ORC3: variants seen among roughly 807,000 people sequenced by gnomAD.
ORC3 encodes the protein homolog of latheo, Drosophila.
A neutral mutation model predicts 100.7 loss-of-function variants in ORC3; 78 were observed. That is an observed-to-expected ratio of 0.77 (90% CI 0.65 to 0.94). The LOEUF is 0.94. Ranked by LOEUF, ORC3 falls within the 40% of genes least tolerant of loss-of-function variation. ORC3 has a pLI of 0.00. For synonymous variants in ORC3, 295 were observed against 289.3 expected (o/e 1.02, Z -0.20); for missense variants, 789 against 823.9 (o/e 0.96, Z 0.52).
chr6:87,653,126 A>C lies in ORC3; in HGVS notation c.1393A>C (p.Lys465Gln), dbSNP rs1472715295. 1 of 1,612,520 alleles carries C rather than the reference A, an allele frequency of 6.2e-7. No homozygotes were observed. Among genetic ancestry groups the C allele is most frequent in the Admixed American group, 1.7e-5 (1 of 59,914 alleles). ...CTGACTCTGTTCTAGGATGTTGGCAAAGGATGAACTGATGACCATACTTGA... is the reference window on the plus strand; with the variant it reads ...CTGACTCTGTTCTAGGATGTTGGCACAGGATGAACTGATGACCATACTTGA... ...SVLQLLRMLAKDELMTILEKC... is the reference protein window; with the variant it reads ...SVLQLLRMLAQDELMTILEKC... Residue 465 changes from lysine to glutamine, a missense_variant, in exon 14 of 20, where the codon AAG becomes CAG. Coordinates refer to ENST00000392844, the MANE Select transcript of ORC3 (RefSeq NM_012381.4).
intron 11 of ORC3, among the ~76,000 whole-genome samples, chr6:87,633,386 G>C (rs1252757278): frequency 6.6e-6 from 1 of 152,148 alleles, no homozygotes; most frequent in Admixed American, 6.5e-5. Flanking sequence ...GGCTACTTTT[G>C]TTATGATAGG....
chr6:87,657,964 C>A lies in ORC3; in HGVS notation c.1637C>A (p.Thr546Asn). The A allele has an allele frequency of 6.2e-7, 1 of 1,604,084 alleles. No homozygotes were observed. The highest frequency in any genetic ancestry group is 8.5e-7 in the Non-Finnish European group (1 of 1,171,246). ...MKELRRSKKQ[T>N]KFEVLRENVV... ...GAGTTAAGAAGAAGTAAGAAGCAAACCAAATTTGAAGTACTCAGAGAAAAT... is the reference window on the plus strand; with the variant it reads ...GAGTTAAGAAGAAGTAAGAAGCAAAACAAATTTGAAGTACTCAGAGAAAAT... The change falls in exon 16 of 20, where the codon ACC becomes AAC. Residue 546 changes from threonine (T) to asparagine (N), a missense_variant. Physicochemically the swap from Thr to Asn is moderately conservative, Grantham distance 65. This residue lies in a region of ORC3 where 366 missense variants were observed against 394.2 expected (regional missense o/e 0.93). Transcript: ENST00000392844.
At chr6:87,611,993 A>C in intron 7 of ORC3, 96 bp from the exon 8 acceptor site, 1 of 1,127,416 alleles carries the variant, frequency 8.9e-7, no homozygotes, top group Non-Finnish European at 1.3e-6. Flanking sequence ...CTTATAAAGT[A>C]AGCATTAAAA....
chr6:87,602,525 A>C (rs894188443), intron 3 of ORC3, among the ~76,000 whole-genome samples: 1 of 149,936 alleles, frequency 6.7e-6, no homozygotes, highest in Non-Finnish European at 1.5e-5. Context: ...TGCCTTTCGG[A>C]AGGTTATATA....
At chr6:87,604,889 C>G (rs558394266) in intron 4 of ORC3, among the ~76,000 whole-genome samples, 2 of 152,086 alleles carry the variant, frequency 1.3e-5, no homozygotes, top group South Asian at 4.2e-4. Flanking sequence ...ATGGATGATT[C>G]TGAAATTTTT....
chr6:87,658,145 C>G (rs1769867858), intron 16 of ORC3, 127 bp downstream of exon 16: 1 of 571,376 alleles, frequency 1.8e-6, no homozygotes, highest in African/African-American at 1.9e-5. Flanking sequence ...CTTTTCAGGT[C>G]TCTCCATCTA....
At chr6:87,668,474 C>T (rs1018706860), downstream of ORC3, among the ~76,000 whole-genome samples, 5 of 152,132 alleles carry the variant, frequency 3.3e-5, no homozygotes, top group South Asian at 2.1e-4. Context: ...CATGTCAGTA[C>T]GCAAAAAGTT....
intron 13 of ORC3, among the ~76,000 whole-genome samples, chr6:87,648,992 A>G (rs1273247119): frequency 2.6e-5 from 4 of 152,184 alleles, no homozygotes; most frequent in Non-Finnish European, 5.9e-5. Context: ...CCAACCATGT[A>G]CCAGTGTGTA....
At chr6:87,656,734 A>G (rs1448715667) in intron 14 of ORC3, among the ~76,000 whole-genome samples, 172 bp from the exon 15 acceptor site, 1 of 152,126 alleles carries the variant, frequency 6.6e-6, no homozygotes, top group African/African-American at 2.4e-5. Context: ...CAAGTTATAT[A>G]TTATTGGCCT....
At chr6:87,641,978 G>A (rs1031343102) in intron 13 of ORC3, among the ~76,000 whole-genome samples, 7 of 152,114 alleles carry the variant, frequency 4.6e-5, no homozygotes, top group African/African-American at 1.7e-4. Flanking sequence ...ATCCATCCAA[G>A]AGCTTTGTAA....
chr6:87,673,034 G>A, the ORC3 span, among the ~76,000 whole-genome samples: 1 of 151,468 alleles, frequency 6.6e-6, no homozygotes, highest in Non-Finnish European at 1.5e-5. Flanking sequence ...TTGAAATCAT[G>A]TGTGGTTGGT....
At chr6:87,675,513 T>C in the ORC3 span, 8 of 1,546,578 alleles carry the variant, frequency 5.2e-6, no homozygotes, top group Middle Eastern at 1.7e-4. Context: ...AGAAGGGGTA[T>C]TGGCATTGCT....
At chr6:87,657,850 AC>A in intron 15 of ORC3, 70 bp from the exon 16 acceptor site, 1 of 797,580 alleles carries the variant, frequency 1.3e-6, no homozygotes, top group South Asian at 1.5e-5. Context: ...TATAGAACTT[AC>A]CAACAGAGCT....
chr6:87,627,888 C>T (rs1370564526), intron 11 of ORC3, among the ~76,000 whole-genome samples: 1 of 152,116 alleles, frequency 6.6e-6, no homozygotes, highest in African/African-American at 2.4e-5. Flanking sequence ...CCCCCATCAC[C>T]TCATTTTCTT....
chr6:87,614,618 T>C (rs1456717856), intron 8 of ORC3, among the ~76,000 whole-genome samples: 3 of 152,156 alleles, frequency 2.0e-5, no homozygotes, highest in Non-Finnish European at 4.4e-5. Context: ...CTTGAATGCT[T>C]TGCTGCTTAG....
At chr6:87,634,770 C>A in intron 11 of ORC3, 75 bp from the exon 12 acceptor site, 2 of 740,552 alleles carry the variant, frequency 2.7e-6, no homozygotes, top group Admixed American at 2.2e-5. Flanking sequence ...ATTTTTATAG[C>A]CATGAAGTAG....
intron 15 of ORC3, 42 bp downstream of exon 15, chr6:87,657,024 TC>T (rs1769765399): frequency 7.8e-7 from 1 of 1,287,242 alleles, no homozygotes; most frequent in Non-Finnish European, 1.1e-6. Flanking sequence ...CCTGTGACAC[TC>T]CCTTTTTTCA....
chr6:87,661,755 A>G (rs1770194679), intron 16 of ORC3, among the ~76,000 whole-genome samples: 1 of 152,190 alleles, frequency 6.6e-6, no homozygotes, highest in East Asian at 1.9e-4. Context: ...ACTAAGCCCC[A>G]GAAATCTTCT....
intron 10 of ORC3, 76 bp from the exon 11 acceptor site, chr6:87,621,873 CT>C (rs1779556465): frequency 2.0e-6 from 2 of 1,006,714 alleles, no homozygotes; most frequent in Non-Finnish European, 3.1e-6. Flanking sequence ...CTAGGTAGTT[CT>C]TTTTCCCAAT....
Sources: allele counts gnomAD v4.1 joint callset (sites outside exome capture counted in the v4.1 genomes callset), GRCh38; gene constraint gnomAD v4.1.1; regional missense constraint gnomAD v4.1.1; transcripts MANE v1.5; gene names NCBI Gene and HGNC (gene_info 2026-07-23, HGNC 2026-07-21).